The following SEPTIN4 variants were observed in gnomAD, a reference collection of about 807,000 sequenced individuals.
SEPTIN4 encodes septin 4, also known as septin-4.
In SEPTIN4, 52 loss-of-function variants were observed where a neutral mutation model predicts 107.1. That is an observed-to-expected ratio of 0.49 (90% CI 0.39 to 0.61). The LOEUF (loss-of-function observed/expected upper bound fraction) is 0.61. Among genes scored for constraint, SEPTIN4 ranks in the 20% least tolerant of loss-of-function variants. The probability of loss-of-function intolerance (pLI) is 0.00; values close to 1 mark genes in which losing one functional copy is unlikely to be tolerated. For missense variants in SEPTIN4, 1,048 were observed against 1,243.5 expected, an observed-to-expected ratio of 0.84 and a Z score of 2.36; for synonymous variants, 417 against 467.0, an observed-to-expected ratio of 0.89 and a Z score of 1.38.
chr17:58,544,152 G>T lies in SEPTIN4; in HGVS notation c.35C>A (p.Ala12Glu). The T allele has an allele frequency of 1.9e-6, 3 of 1,613,416 alleles. No homozygotes were observed. Among genetic ancestry groups the T allele is most frequent in the Non-Finnish European group, 2.5e-6 (3 of 1,179,606 alleles). ...CTCAGACCCTCTCTGTGCTGAAACC[G>T]CTACCTTGGCCCCAGGTTTATTTGT... ...VKTNKPGAKV[A>E]VSAQRGSEVT... Residue 12 changes from alanine to glutamate, a missense_variant, in exon 1 of 14, where the codon GCG becomes GAG. Transcript: ENST00000672673.
chr17:58,544,055 G>A lies in SEPTIN4; in HGVS notation c.132C>T (p.Val44=). The change falls in exon 1 of 14, where the codon GTC becomes GTT. Residue 44 remains valine, a synonymous_variant. Transcript: ENST00000672673. ...VLASSHRSAA[V]SLNPSHRRSE... Reference sequence around the variant, plus strand: ...ATCTTCGGTGGGAAGGGTTCAGGGAGACTGCAGCACTTCGATGGCTTGAGG... The same window carrying A: ...ATCTTCGGTGGGAAGGGTTCAGGGAAACTGCAGCACTTCGATGGCTTGAGG... 6.2e-7 allele frequency: 1 copy of A among 1,614,114 alleles called. No homozygotes were observed. The highest frequency in any genetic ancestry group is 1.7e-5 in the Admixed American group (1 of 60,018).
rs1014356332 is a variant in SEPTIN4, at chr17:58,520,672, T to C, written c.2931+71A>G. ...TGCACCAGAGCCAGGGATCTTTCTA[T>C]TACCAAACAAAGAGATACCAACGTT... is the stretch of plus-strand genomic sequence containing the variant. On this transcript the variant is annotated intron_variant, in intron 13 of 13. Coordinates refer to ENST00000672673, the MANE Select transcript of SEPTIN4 (RefSeq NM_001368771.2). 25 of 1,595,072 alleles carry C rather than the reference T, an allele frequency of 1.6e-5. No individual in the cohort carries two copies. The African/African-American group carries it at 3.4e-4, about 21-fold the overall frequency.
At chr17:58,528,659 G>A (rs781033663) in intron 3 of SEPTIN4, 7 of 182,120 alleles carry the variant, frequency 3.8e-5, no homozygotes, top group East Asian at 1.6e-4. Flanking sequence ...GCAGCACGAC[G>A]TGTTGTCTGG....
At position 58,544,065 on chromosome 17, in the gene SEPTIN4, C is replaced by T. The variant is rs1289387126; in HGVS notation, c.122G>A (p.Ser41Asn). Residue 41 changes from serine (S) to asparagine (N), a missense_variant, in exon 1 of 14, where the codon AGT becomes AAT. This residue lies in a region of SEPTIN4 where 787 missense variants were observed against 871.8 expected (regional missense o/e 0.90). Transcript: ENST00000672673. ...GGAAGGGTTCAGGGAGACTGCAGCA[C>T]TTCGATGGCTTGAGGCAAGAACGTA... The part of the protein sequence containing the change: ...HGYVLASSHR[S>N]AAVSLNPSHR... 1.2e-6 allele frequency: 2 copies of T among 1,613,980 alleles called. No individual in the cohort carries two copies. Among genetic ancestry groups the T allele is most frequent in the African/African-American group, 2.7e-5 (2 of 74,884 alleles).
Position 58,543,412 on chromosome 17 carries a change from T to C in SEPTIN4, c.775A>G (p.Lys259Glu), listed in dbSNP as rs1306157751. The C allele has an allele frequency of 1.9e-6, 3 of 1,614,054 alleles. No individual in the cohort carries two copies. In the Admixed American group the frequency reaches 5.0e-5, roughly 27 times the overall value. Residue 259 changes from lysine (K) to glutamate (E), a missense_variant, in exon 1 of 14, where the codon AAA becomes GAA. Physicochemically the swap from Lys to Glu is moderately conservative, Grantham distance 56 (BLOSUM62 1). Coordinates refer to ENST00000672673, the MANE Select transcript of SEPTIN4 (RefSeq NM_001368771.2). ...ATATTCCTATACAAGGCCTTGGGTT[T>C]TGAAGGAATTGGACCGTAAGGACCT... ...ETGPYGPIPSKPKALYRNMNL... is the reference protein window; with the variant it reads ...ETGPYGPIPSEPKALYRNMNL...
Position 58,521,627 on chromosome 17 carries a change from T to C in SEPTIN4, c.2489A>G (p.His830Arg). 6.2e-7 allele frequency: 1 copy of C among 1,614,220 alleles called. No individual in the cohort carries two copies. The highest frequency in any genetic ancestry group is 8.5e-7 in the Non-Finnish European group (1 of 1,180,036). ...GAATTGATAGATCTTGATTCCAAAA[T>C]GCTCAATCTCCTCCCGGATCTGACA... is the stretch of plus-strand genomic sequence containing the variant. ...KKRKIREEIE[H>R]FGIKIYQFPD... Residue 830 changes from histidine to arginine, a missense_variant, in exon 10 of 14, where the codon CAT becomes CGT. By Grantham distance (29) the His-to-Arg change is conservative. This residue lies in a region of SEPTIN4 where 261 missense variants were observed against 371.7 expected (regional missense o/e 0.70). Coordinates refer to ENST00000672673, the MANE Select transcript of SEPTIN4 (RefSeq NM_001368771.2). This position sits in a 1 kb window ranked among gnomAD's most constrained non-coding sequence, Gnocchi z 6.4.
intron 4 of SEPTIN4, 90 bp from the exon 5 acceptor site, chr17:58,526,403 G>A: frequency 7.2e-7 from 1 of 1,383,632 alleles, no homozygotes; most frequent in Non-Finnish European, 9.4e-7. Context: ...TCAGGCCTTT[G>A]CCCCAGCCTT....
chr17:58,521,870 T>C lies in SEPTIN4; in HGVS notation c.2352-17A>G. ...GGCCGGAGCCTGGGGAACAGGAACCTGTGACCACCTGCTAGTGGCAGCCCT... is the reference window on the plus strand; with the variant it reads ...GGCCGGAGCCTGGGGAACAGGAACCCGTGACCACCTGCTAGTGGCAGCCCT... On this transcript the variant is annotated splice_polypyrimidine_tract_variant and intron_variant, in intron 8 of 13. Transcript: ENST00000672673. This position sits in a 1 kb window ranked among gnomAD's most constrained non-coding sequence, Gnocchi z 6.4. The C allele has an allele frequency of 1.2e-6, 2 of 1,614,250 alleles. No homozygotes were observed. The highest frequency in any genetic ancestry group is 1.7e-6 in the Non-Finnish European group (2 of 1,180,034).
chr17:58,536,548 C>T (rs191126659), intron 3 of SEPTIN4, among the ~76,000 whole-genome samples: 17 of 152,334 alleles, frequency 1.1e-4, no homozygotes, highest in Admixed American at 1.1e-3. Flanking sequence ...CTCAGACCTA[C>T]CGACCCAAAT....
chr17:58,529,025 C>T (rs2043219324), intron 3 of SEPTIN4: 4 of 1,510,870 alleles, frequency 2.6e-6, no homozygotes, highest in South Asian at 1.1e-5. Flanking sequence ...CTGCCAGTGA[C>T]CAAATCATTT....
In SEPTIN4 at chr17:58,521,704, C is replaced by T. The variant is rs760877260; in HGVS notation, c.2469+32G>A. The stretch of plus-strand genomic sequence containing the variant: ...GGACCACATCCTTTCTAGAAGCCCA[C>T]CTGATCCCCTCCCACCACCAGCTTC... On this transcript the variant is annotated intron_variant, in intron 9 of 13. Transcript: ENST00000672673. The surrounding 1 kb of genome is among the most constrained non-coding windows in gnomAD (Gnocchi z 6.4). 1.8e-5 allele frequency: 29 copies of T among 1,614,136 alleles called. No individual in the cohort carries two copies. Among genetic ancestry groups the T allele is most frequent in the Middle Eastern group, 1.6e-4 (1 of 6,084 alleles).
intron 7 of SEPTIN4, among the ~76,000 whole-genome samples, chr17:58,522,425 C>G (rs986392726): frequency 6.6e-6 from 1 of 151,918 alleles, no homozygotes; most frequent in Non-Finnish European, 1.5e-5. Flanking sequence ...TTTGGGAGGC[C>G]GAGGCGGGTG....
rs939635750 is a variant in SEPTIN4 at position 58,539,070 on chromosome 17, C to T, written c.1614+1596G>A. The T allele has an allele frequency of 4.6e-6, 6 of 1,308,368 alleles. No homozygotes were observed. In the African/African-American group the frequency reaches 7.4e-5, roughly 16 times the overall value. The allele number at this position is 1,308,368 out of a possible 1,614,324, so 81.0% of individuals were successfully genotyped here. On this transcript the variant is annotated intron_variant, in intron 3 of 13. Coordinates refer to ENST00000672673, the MANE Select transcript of SEPTIN4 (RefSeq NM_001368771.2). ...CAGGCCGGGGAGAGCCTAGCTCTCTCATGCATTAGAGAGCACCTGGCCCAT... is the reference window on the plus strand; with the variant it reads ...CAGGCCGGGGAGAGCCTAGCTCTCTTATGCATTAGAGAGCACCTGGCCCAT...
Position 58,538,895 on chromosome 17 carries a change from G to C in SEPTIN4, c.1614+1771C>G, listed in dbSNP as rs1003575149. Among the ~76,000 whole-genome samples the C allele has an allele frequency of 6.6e-6, 1 of 152,184 alleles. No homozygotes were observed. The highest frequency in any genetic ancestry group is 2.4e-5 in the African/African-American group (1 of 41,454). On this transcript the variant is annotated intron_variant, in intron 3 of 13. Coordinates refer to ENST00000672673, the MANE Select transcript of SEPTIN4 (RefSeq NM_001368771.2). This position sits in a 1 kb window ranked among gnomAD's most constrained non-coding sequence, Gnocchi z 4.7. ...ATGCCTTCCACAAGCCAGGCATCGT[G>C]GCCAGGCCACCAGAGAATTCCTGCC...
chr17:58,533,831 T>C lies in SEPTIN4; in HGVS notation c.1614+6835A>G, dbSNP rs147609953. On this transcript the variant is annotated intron_variant, in intron 3 of 13. Coordinates refer to ENST00000672673, the MANE Select transcript of SEPTIN4 (RefSeq NM_001368771.2). ...GCCCTGGGCCTCCAATACTCATGTA[T>C]GCACTCTAAGAATACCTCTTGCGTG... Among the ~76,000 whole-genome samples the C allele has an allele frequency of 1.8e-4, 27 of 152,368 alleles. No individual in the cohort carries two copies. In the East Asian group the frequency reaches 4.2e-3, roughly 24 times the overall value.
chr17:58,526,166 C>A, intron 5 of SEPTIN4, 54 bp downstream of exon 5: 1 of 1,522,796 alleles, frequency 6.6e-7, no homozygotes. Context: ...CGGACACACA[C>A]ACCATCCCCA....
At position 58,544,206 on chromosome 17, in the gene SEPTIN4, T is replaced by G. The variant is rs2043968147; in HGVS notation, c.-20A>C. On this transcript the variant is annotated 5_prime_UTR_variant, in exon 1 of 14. Coordinates refer to ENST00000672673, the MANE Select transcript of SEPTIN4 (RefSeq NM_001368771.2). ...GACCATCTGATAGATTGTGCCCTTC[T>G]GAGTAGATCCCGTATTTTACTGGCT... 1 of 1,585,740 alleles carries G rather than the reference T, an allele frequency of 6.3e-7. No individual in the cohort carries two copies. The highest frequency in any genetic ancestry group is 8.6e-7 in the Non-Finnish European group (1 of 1,165,226).
In SEPTIN4 at chr17:58,544,068, C is replaced by G. The variant is rs772813534; in HGVS notation, c.119G>C (p.Arg40Pro). The G allele has an allele frequency of 6.2e-7, 1 of 1,614,020 alleles. No homozygotes were observed. Among genetic ancestry groups the G allele is most frequent in the African/African-American group, 1.3e-5 (1 of 74,950 alleles). Residue 40 changes from arginine (R) to proline (P), a missense_variant, in exon 1 of 14, where the codon CGA (arginine) becomes CCA (proline). By Grantham distance (103) the Arg-to-Pro change is moderately radical (BLOSUM62 -2). This residue lies in a region of SEPTIN4 where 787 missense variants were observed against 871.8 expected (regional missense o/e 0.90). Coordinates refer to ENST00000672673, the MANE Select transcript of SEPTIN4 (RefSeq NM_001368771.2). ...AGGGTTCAGGGAGACTGCAGCACTT[C>G]GATGGCTTGAGGCAAGAACGTACCC... ...GHGYVLASSH[R>P]SAAVSLNPSH...
chr17:58,520,669 C>A (rs748500418), intron 13 of SEPTIN4, 74 bp downstream of exon 13: 43 of 1,589,016 alleles, frequency 2.7e-5, no homozygotes, highest in Non-Finnish European at 3.6e-5. Flanking sequence ...AGGGATCTTT[C>A]TATTACCAAA....
Sources: gnomAD v4.1 joint callset for allele counts (sites outside exome capture counted in the v4.1 genomes callset) on GRCh38, gnomAD v4.1.1 for gene constraint, gnomAD v4.1.1 regional missense constraint, Gnocchi (gnomAD v3.1) non-coding constraint, MANE v1.5 for transcripts, NCBI Gene and HGNC (gene_info 2026-07-23, HGNC 2026-07-21) for gene names.